SCAPER: variants seen among roughly 807,000 people sequenced by gnomAD.
SCAPER encodes the protein S-phase cyclin A associated protein in the ER, also known as S phase cyclin A-associated protein in the endoplasmic reticulum.
In SCAPER, 98 loss-of-function variants were observed where a neutral mutation model predicts 182.2. The ratio of observed to expected loss-of-function variants is 0.54; its 90% CI spans 0.46 to 0.64. SCAPER has a LOEUF of 0.64. Ranked by LOEUF, SCAPER falls within the 30% of genes least tolerant of loss-of-function variation. SCAPER has a pLI of 0.00. For missense variants in SCAPER, 1,432 were observed against 1,690.0 expected (o/e 0.85, Z 2.68); for synonymous variants, 605 against 564.6 (o/e 1.07, Z -1.01).
rs558486883 is a variant in SCAPER at position 76,802,131 on chromosome 15, AACTC to A, written c.495-1771_495-1768del. Among the ~76,000 whole-genome samples, 59 of 152,254 alleles carry A rather than the reference AACTC, an allele frequency of 3.9e-4. 1 individual carries two copies. The East Asian group carries it at 0.011, about 28-fold the overall frequency. On this transcript the variant is annotated intron_variant, in intron 6 of 31. Coordinates refer to ENST00000563290, the MANE Select transcript of SCAPER (RefSeq NM_020843.4). ...TACAGACCTTTGGATACAACAAACA[AACTC>A]AATCAAGTTAAATAAAAAAATGAAA...
chr15:76,840,094 T>C (rs943196404), intron 5 of SCAPER, among the ~76,000 whole-genome samples: 3 of 152,130 alleles, frequency 2.0e-5, no homozygotes, highest in Non-Finnish European at 2.9e-5. Context: ...ACTCCAAGAA[T>C]ATGATTTTAC....
intron 22 of SCAPER, among the ~76,000 whole-genome samples, chr15:76,606,912 C>G (rs1252192561): frequency 6.6e-6 from 1 of 152,158 alleles, no homozygotes; most frequent in African/African-American, 2.4e-5. Flanking sequence ...ATGTGTATCT[C>G]TGCACGTGAG....
At chr15:76,902,527 A>G (rs1043614356) in intron 1 of SCAPER, among the ~76,000 whole-genome samples, 9 of 152,242 alleles carry the variant, frequency 5.9e-5, no homozygotes, top group African/African-American at 2.2e-4. Context: ...CAGAAACTGC[A>G]AACAGAATTT....
chr15:76,611,546 G>T (rs2050993832), intron 22 of SCAPER, among the ~76,000 whole-genome samples: 1 of 152,136 alleles, frequency 6.6e-6, no homozygotes, highest in Non-Finnish European at 1.5e-5. Context: ...GCAAAAAATT[G>T]AGGAGGAGGG....
intron 15 of SCAPER, among the ~76,000 whole-genome samples, chr15:76,735,112 C>T (rs1206244396): frequency 6.6e-6 from 1 of 151,784 alleles, no homozygotes; most frequent in African/African-American, 2.4e-5. Flanking sequence ...TTAGGAGGGC[C>T]GGGCAGGAGG....
chr15:76,737,980 C>T (rs1374598686), intron 15 of SCAPER, among the ~76,000 whole-genome samples: 1 of 152,168 alleles, frequency 6.6e-6, no homozygotes, highest in Admixed American at 6.5e-5. Context: ...TCTATCCAGA[C>T]CACTCGAACT....
At chr15:76,748,234 C>T (rs2061908362) in intron 15 of SCAPER, among the ~76,000 whole-genome samples, 1 of 152,108 alleles carries the variant, frequency 6.6e-6, no homozygotes, top group Non-Finnish European at 1.5e-5. Context: ...AGGTGATCTG[C>T]CCACCTCGGC....
chr15:76,657,102 C>A (rs1336889016), intron 21 of SCAPER, among the ~76,000 whole-genome samples: 2 of 152,006 alleles, frequency 1.3e-5, no homozygotes, highest in African/African-American at 4.8e-5. Flanking sequence ...ACCAACAAAT[C>A]CAAGAGTTGA....
chr15:76,418,081 A>G (rs765605888), intron 26 of SCAPER, among the ~76,000 whole-genome samples: 1 of 152,190 alleles, frequency 6.6e-6, no homozygotes, highest in Non-Finnish European at 1.5e-5. Context: ...GACCAATTAG[A>G]GTTGCCTGGT....
intron 16 of SCAPER, among the ~76,000 whole-genome samples, chr15:76,730,887 T>C (rs1182389822): frequency 6.6e-6 from 1 of 152,184 alleles, no homozygotes; most frequent in Non-Finnish European, 1.5e-5. Context: ...TTTTAATGGA[T>C]ATCAGACCAA....
At chr15:76,686,795 G>T (rs978860751) in intron 20 of SCAPER, among the ~76,000 whole-genome samples, 1 of 152,022 alleles carries the variant, frequency 6.6e-6, no homozygotes, top group Admixed American at 6.5e-5. Context: ...AGTCCCTAAA[G>T]ATTACATACA....
Position 76,754,292 on chromosome 15 carries a change from G to A in SCAPER, c.1726-344C>T, listed in dbSNP as rs2062275983. 2.6e-5 allele frequency among the ~76,000 whole-genome samples: 4 copies of A among 152,036 alleles called. No homozygotes were observed. In the South Asian group the frequency reaches 8.3e-4, roughly 32 times the overall value. ...TAGACATGCCTCTACAGAAATATTT[G>A]CTATTATTCTTGTACTGTTACCATG... On this transcript the variant is annotated intron_variant, in intron 14 of 31. Transcript: ENST00000563290.
chr15:76,699,816 C>G (rs2058838008), intron 20 of SCAPER, among the ~76,000 whole-genome samples: 1 of 152,252 alleles, frequency 6.6e-6, no homozygotes, highest in African/African-American at 2.4e-5. Context: ...GTCACAGGTT[C>G]CACATGCACG....
Position 76,754,822 on chromosome 15 carries a change from G to C in SCAPER, c.1726-874C>G, listed in dbSNP as rs149645973. 4.0e-3 allele frequency among the ~76,000 whole-genome samples: 608 copies of C among 152,200 alleles called. 5 individuals carry two copies. Among genetic ancestry groups the C allele is most frequent in the African/African-American group, 0.012 (519 of 41,546 alleles). On this transcript the variant is annotated intron_variant, in intron 14 of 31. Coordinates refer to ENST00000563290, the MANE Select transcript of SCAPER (RefSeq NM_020843.4). Reference sequence around the variant, plus strand: ...CTTAGCTCTGCAAATTATTGGTTGTGTAACACTAGAAACAACACTTAGCCT... The same window carrying C: ...CTTAGCTCTGCAAATTATTGGTTGTCTAACACTAGAAACAACACTTAGCCT...
chr15:76,508,614 T>C (rs1008709532), intron 23 of SCAPER, among the ~76,000 whole-genome samples: 5 of 152,178 alleles, frequency 3.3e-5, no homozygotes, highest in Admixed American at 6.5e-5. Flanking sequence ...TACTGGCATT[T>C]TTTTGAGGTT....
chr15:76,722,660 G>A (rs980614778), intron 17 of SCAPER, among the ~76,000 whole-genome samples: 20 of 152,130 alleles, frequency 1.3e-4, no homozygotes, highest in African/African-American at 4.1e-4. Context: ...TCTTGGGAGG[G>A]TGTATGTGTC....
At chr15:76,898,311 C>T (rs952177153) in intron 1 of SCAPER, among the ~76,000 whole-genome samples, 5 of 152,072 alleles carry the variant, frequency 3.3e-5, no homozygotes, top group South Asian at 2.1e-4. Flanking sequence ...AAATGTAAAC[C>T]GGTACAGCTG....
chr15:76,489,848 G>GCAA (rs2052103784), intron 24 of SCAPER, among the ~76,000 whole-genome samples: 1 of 152,110 alleles, frequency 6.6e-6, no homozygotes, highest in South Asian at 2.1e-4. Flanking sequence ...CTCTGCTTCT[G>GCAA]TGAATTTAAA....
chr15:76,847,074 TAAATG>T (rs1054998820), intron 4 of SCAPER, among the ~76,000 whole-genome samples: 1 of 152,046 alleles, frequency 6.6e-6, no homozygotes, highest in African/African-American at 2.4e-5. Flanking sequence ...GGTCCTTACG[TAAATG>T]AAATAAGCCA....
Sources: allele counts gnomAD v4.1 joint callset (sites outside exome capture counted in the v4.1 genomes callset), GRCh38; gene constraint gnomAD v4.1.1; transcripts MANE v1.5; gene names NCBI Gene and HGNC (gene_info 2026-07-23, HGNC 2026-07-21).